Variants in CACNA2D3 observed in about 807,000 individuals in gnomAD.
The protein encoded by CACNA2D3 is voltage-dependent calcium channel subunit alpha-2/delta-3.
Under a neutral mutation model 160.6 loss-of-function variants are expected in CACNA2D3, and 60 were observed. The ratio of observed to expected loss-of-function variants is 0.37; its 90% confidence interval spans 0.30 to 0.46. CACNA2D3 has a LOEUF of 0.46. Ranked by LOEUF, CACNA2D3 falls within the 20% of genes least tolerant of loss-of-function variation. The pLI, the probability that CACNA2D3 is intolerant of heterozygous loss-of-function variation, is 1.00. For synonymous variants in CACNA2D3, 558 were observed against 492.9 expected, an observed-to-expected ratio of 1.13 and a Z score of -1.75; for missense variants, 1,205 against 1,365.0, an observed-to-expected ratio of 0.88 and a Z score of 1.85.
chr3:54,846,505 T>C (rs1453220579), intron 17 of CACNA2D3, 38 bp downstream of exon 17: 2 of 1,359,980 alleles, frequency 1.5e-6, no homozygotes, highest in Admixed American at 2.0e-5. Context: ...TCTGCTTTTA[T>C]GATTTTAAAA....
intron 27 of CACNA2D3, among the ~76,000 whole-genome samples, chr3:54,913,013 G>T (rs148039469): frequency 6.6e-6 from 1 of 152,218 alleles, no homozygotes; most frequent in African/African-American, 2.4e-5. Context: ...CATAGGATGG[G>T]CTGTACAGAC....
intron 4 of CACNA2D3, among the ~76,000 whole-genome samples, chr3:54,502,694 A>G (rs1340118966): frequency 6.6e-6 from 1 of 152,204 alleles, no homozygotes; most frequent in Non-Finnish European, 1.5e-5. Context: ...TCAGCTGTGT[A>G]ATTTTTTGCA....
rs183921619 is a variant in CACNA2D3, at chr3:54,579,409, C to A, written c.889-2394C>A. Among the ~76,000 whole-genome samples the A allele has an allele frequency of 2.0e-5, 3 of 152,154 alleles. No homozygotes were observed. In the East Asian group the frequency reaches 5.8e-4, roughly 29 times the overall value. ...CCTCATAGTTGCAAAATGGCTGCAG[C>A]AACTCCACAATAGCATCCCAAGCAG... On this transcript the variant is annotated intron_variant, in intron 8 of 37. Coordinates refer to ENST00000474759, the MANE Select transcript of CACNA2D3 (RefSeq NM_018398.3).
chr3:54,177,169 A>G (rs1056465295), intron 2 of CACNA2D3, among the ~76,000 whole-genome samples: 1 of 152,206 alleles, frequency 6.6e-6, no homozygotes, highest in Non-Finnish European at 1.5e-5. Context: ...GTCCCTTCCT[A>G]CAAATTCCAC....
Position 54,183,892 on chromosome 3 carries a change from G to GAAA in CACNA2D3, c.204+60324_204+60326dup, listed in dbSNP as rs58956795. On this transcript the variant is annotated intron_variant, in intron 2 of 37. Coordinates refer to ENST00000474759, the MANE Select transcript of CACNA2D3 (RefSeq NM_018398.3). ...AAAAGCGAAACTCCGTCTCAAAAAA[G>GAAA]AAAAAAAAAAAAAAAAAAAAAAAAA... Among the ~76,000 whole-genome samples the GAAA allele has an allele frequency of 1.8e-3, 144 of 80,794 alleles. 5 individuals carry two copies. The highest frequency in any genetic ancestry group is 8.2e-3 in the South Asian group (14 of 1,706). The allele number at this position is 80,794 out of a possible 152,430, so 53.0% of individuals were successfully genotyped here. A position where few individuals can be genotyped will look rare whatever the true frequency, so the allele number is the denominator to read the frequency against.
intron 2 of CACNA2D3, among the ~76,000 whole-genome samples, chr3:54,277,121 C>T (rs1198167677): frequency 6.6e-6 from 1 of 152,304 alleles, no homozygotes; most frequent in Admixed American, 6.5e-5. Context: ...GCCAGGGAGG[C>T]CCCCACACGC....
At position 54,690,499 on chromosome 3, in the gene CACNA2D3, C is replaced by G. The variant is rs1475118499; in HGVS notation, c.1167+48258C>G. Reference sequence around the variant, plus strand: ...AAATATCTGCTGAATGAATCATTATCATCATCATCATCATTACTTTTATCT... The same window carrying G: ...AAATATCTGCTGAATGAATCATTATGATCATCATCATCATTACTTTTATCT... On this transcript the variant is annotated intron_variant, in intron 11 of 37. Transcript: ENST00000474759. 5.9e-5 allele frequency among the ~76,000 whole-genome samples: 9 copies of G among 152,004 alleles called. No individual in the cohort carries two copies. In the East Asian group the frequency reaches 1.5e-3, roughly 26 times the overall value.
intron 2 of CACNA2D3, among the ~76,000 whole-genome samples, chr3:54,216,640 A>G (rs1387179609): frequency 6.6e-6 from 1 of 152,256 alleles, no homozygotes; most frequent in Non-Finnish European, 1.5e-5. Flanking sequence ...GGAAGGTGGC[A>G]GAGCATAATT....
chr3:54,774,285 A>G (rs1316699359), intron 13 of CACNA2D3, among the ~76,000 whole-genome samples: 1 of 152,206 alleles, frequency 6.6e-6, no homozygotes. Flanking sequence ...TAATTGGCTC[A>G]GGGTTCCGCA....
chr3:54,170,250 A>G (rs1576975870), intron 2 of CACNA2D3, among the ~76,000 whole-genome samples: 1 of 151,632 alleles, frequency 6.6e-6, no homozygotes, highest in African/African-American at 2.4e-5. Context: ...CATTCCAGCA[A>G]CAGGTACCCA....
intron 13 of CACNA2D3, among the ~76,000 whole-genome samples, chr3:54,805,167 C>G (rs1229771786): frequency 2.0e-5 from 3 of 152,110 alleles, no homozygotes; most frequent in Non-Finnish European, 2.9e-5. Flanking sequence ...CAAACACATT[C>G]AAAAGCTAGC....
At chr3:55,020,625 G>T (rs1054277460) in intron 35 of CACNA2D3, among the ~76,000 whole-genome samples, 1 of 151,948 alleles carries the variant, frequency 6.6e-6, no homozygotes, top group Non-Finnish European at 1.5e-5. Context: ...CAAGGCGGGT[G>T]TATCACCTGA....
At position 54,766,258 on chromosome 3, in the gene CACNA2D3, T is replaced by C. The variant is rs150688604; in HGVS notation, c.1380+1907T>C. ...CATGAAGAATTAATAATCTCCAATA[T>C]ACAAAGAACTTTTTAAAATTGAGGA... On this transcript the variant is annotated intron_variant, in intron 13 of 37. Transcript: ENST00000474759. Among the ~76,000 whole-genome samples, 861 of 152,232 alleles carry C rather than the reference T, an allele frequency of 5.7e-3. 13 individuals carry two copies. The highest frequency in any genetic ancestry group is 0.02 in the African/African-American group (811 of 41,520).
chr3:54,921,678 G>T lies in CACNA2D3; in HGVS notation c.2449+21810G>T, dbSNP rs559964905. Among the ~76,000 whole-genome samples the T allele has an allele frequency of 3.4e-4, 52 of 152,176 alleles. 1 individual carries two copies. In the South Asian group the frequency reaches 7.5e-3, roughly 22 times the overall value. On this transcript the variant is annotated intron_variant, in intron 27 of 37. Transcript: ENST00000474759. ...CCCCGTGTAATCCGCCATGCATTTT[G>T]TTCCCACTTGGGGATGACCTTAGAG...
chr3:54,746,481 A>G (rs1200012720), intron 11 of CACNA2D3, among the ~76,000 whole-genome samples: 4 of 152,220 alleles, frequency 2.6e-5, no homozygotes, highest in Non-Finnish European at 4.4e-5. Context: ...AGTGAGTCCA[A>G]AAGGACATGA....
intron 27 of CACNA2D3, among the ~76,000 whole-genome samples, chr3:54,951,574 GC>G (rs1404867165): frequency 6.6e-6 from 1 of 152,148 alleles, no homozygotes; most frequent in Non-Finnish European, 1.5e-5. Context: ...GGGTGACGCA[GC>G]CCCACTGAGA....
chr3:54,338,259 A>C (rs58682581), intron 3 of CACNA2D3, among the ~76,000 whole-genome samples: 51,294 of 152,130 alleles, frequency 0.34, 8,881 homozygotes, highest in South Asian at 0.42. Flanking sequence ...GTGCACAGGA[A>C]TAAAACACCA....
intron 27 of CACNA2D3, chr3:54,925,104 C>A (rs777534811): frequency 1.6e-5 from 26 of 1,613,952 alleles, no homozygotes. Context: ...TTCGGCCAGA[C>A]CCTGCTGGCT....
intron 13 of CACNA2D3, among the ~76,000 whole-genome samples, chr3:54,765,991 A>G (rs1702217016): frequency 6.6e-6 from 1 of 152,162 alleles, no homozygotes; most frequent in South Asian, 2.1e-4. Context: ...TCTAAATTGT[A>G]AAAAATGAAA....
Sources: gnomAD v4.1 joint callset for allele counts (sites outside exome capture counted in the v4.1 genomes callset) on GRCh38, gnomAD v4.1.1 for gene constraint, MANE v1.5 for transcripts, NCBI Gene and HGNC (gene_info 2026-07-23, HGNC 2026-07-21) for gene names.